DISC1: variants seen among roughly 807,000 people sequenced by gnomAD.
DISC1 encodes disrupted in schizophrenia 1 protein.
A neutral mutation model predicts 84.5 loss-of-function variants in DISC1; 57 were observed. That is an observed-to-expected ratio of 0.67 (90% CI 0.55 to 0.84). DISC1 has a LOEUF of 0.84. Ranked by LOEUF, DISC1 falls within the 40% of genes least tolerant of loss-of-function variation. The pLI, the probability that DISC1 is intolerant of heterozygous loss-of-function variation, is 0.00. For synonymous variants in DISC1, 411 were observed against 415.2 expected, an observed-to-expected ratio of 0.99 and a Z score of 0.12; for missense variants, 1,000 against 1,057.8, an observed-to-expected ratio of 0.95 and a Z score of 0.76.
chr1:231,950,965 G>A (rs981553817), intron 9 of DISC1, among the ~76,000 whole-genome samples: 2 of 152,152 alleles, frequency 1.3e-5, no homozygotes, highest in Non-Finnish European at 2.9e-5. Flanking sequence ...AGAACTCTCT[G>A]AGGGTGGTGA....
chr1:231,970,876 G>A (rs756041012), intron 10 of DISC1, among the ~76,000 whole-genome samples: 5 of 152,098 alleles, frequency 3.3e-5, no homozygotes, highest in Non-Finnish European at 7.3e-5. Context: ...GAGAAAAGAG[G>A]GTTCCTCTTT....
chr1:231,700,124 A>C (rs974080415), intron 2 of DISC1, among the ~76,000 whole-genome samples: 2 of 152,118 alleles, frequency 1.3e-5, no homozygotes, highest in African/African-American at 4.8e-5. Flanking sequence ...GATCCCCATA[A>C]CGTGGTTCTC....
intron 9 of DISC1, among the ~76,000 whole-genome samples, chr1:231,895,140 A>G (rs996655455): frequency 7.0e-6 from 1 of 143,056 alleles, no homozygotes; most frequent in Non-Finnish European, 1.5e-5. Flanking sequence ...AGTATTTTTT[A>G]GTATTCTATT....
chr1:231,704,980 G>A (rs925198653), intron 3 of DISC1, among the ~76,000 whole-genome samples: 2 of 151,950 alleles, frequency 1.3e-5, no homozygotes, highest in Admixed American at 6.6e-5. Flanking sequence ...ATGCAGTCCA[G>A]GAGGGGAAAC....
chr1:231,904,581 G>A (rs1251880351), intron 9 of DISC1, among the ~76,000 whole-genome samples: 4 of 152,112 alleles, frequency 2.6e-5, no homozygotes, highest in African/African-American at 7.2e-5. Flanking sequence ...GGAATATCAA[G>A]GCAGTGTGTA....
intron 9 of DISC1, among the ~76,000 whole-genome samples, chr1:231,907,126 C>CTTT (rs1295440145): frequency 0.04 from 669 of 16,568 alleles, 11 homozygotes; most frequent in African/African-American, 0.13. Context: ...TTCCTTCCTT[C>CTTT]CTTCCTCTTT....
At chr1:231,818,576 G>T (rs1246110934) in intron 9 of DISC1, 59 bp downstream of exon 9, 1 of 1,606,462 alleles carries the variant, frequency 6.2e-7, no homozygotes, top group Non-Finnish European at 8.5e-7. Context: ...GTGTTTTGTG[G>T]CCAGGCAGAA....
intron 7 of DISC1, among the ~76,000 whole-genome samples, chr1:231,798,269 G>A (rs2078928210): frequency 6.6e-6 from 1 of 152,066 alleles, no homozygotes; most frequent in Admixed American, 6.6e-5. Flanking sequence ...AAATGAGATG[G>A]AAGAAACAGT....
intron 1 of DISC1, among the ~76,000 whole-genome samples, chr1:231,647,289 CA>C: frequency 6.6e-6 from 1 of 152,262 alleles, no homozygotes; most frequent in East Asian, 1.9e-4. Flanking sequence ...TATGGCTAGC[CA>C]GTTTTCTCAG....
intron 9 of DISC1, among the ~76,000 whole-genome samples, chr1:231,836,664 A>G (rs776599338): frequency 6.6e-6 from 1 of 152,104 alleles, no homozygotes; most frequent in Non-Finnish European, 1.5e-5. Context: ...ATTGGCTTTC[A>G]CATTCTCCTC....
intron 1 of DISC1, among the ~76,000 whole-genome samples, chr1:231,673,863 G>A (rs1199649900): frequency 2.0e-5 from 3 of 152,202 alleles, no homozygotes; most frequent in Admixed American, 1.3e-4. Flanking sequence ...GCTCACGTTT[G>A]AGTATTGACA....
intron 9 of DISC1, chr1:231,944,028 A>C: frequency 6.6e-6 from 1 of 152,158 alleles, no homozygotes; most frequent in East Asian, 1.9e-4. Flanking sequence ...CCAGCCACAA[A>C]TATGACTTCT....
chr1:231,647,671 T>C (rs1386223542), intron 1 of DISC1, among the ~76,000 whole-genome samples: 3 of 152,224 alleles, frequency 2.0e-5, no homozygotes, highest in African/African-American at 7.2e-5. Context: ...TTTCACGATA[T>C]TGATTCTTCC....
intron 9 of DISC1, among the ~76,000 whole-genome samples, chr1:231,834,829 A>G (rs2082511530): frequency 6.6e-6 from 1 of 152,168 alleles, no homozygotes; most frequent in African/African-American, 2.4e-5. Context: ...GCGTCCCTGC[A>G]TGGTCAGACA....
In DISC1 at chr1:231,886,015, C is replaced by T. The variant is rs149809101; in HGVS notation, c.1981+67498C>T. 4.2e-3 allele frequency among the ~76,000 whole-genome samples: 641 copies of T among 152,320 alleles called. 3 individuals carry two copies. The highest frequency in any genetic ancestry group is 6.7e-3 in the Non-Finnish European group (459 of 68,026). ...CTCAACAGAAGGCCTCTTGCTGCAT[C>T]ATGCCATGGCAGAAGGTGGAAAGGC... is the stretch of plus-strand genomic sequence containing the variant. On this transcript the variant is annotated intron_variant, in intron 9 of 12. Transcript: ENST00000439617.
intron 8 of DISC1, chr1:231,815,131 T>C (rs1168527251): frequency 6.6e-6 from 1 of 151,970 alleles, no homozygotes; most frequent in Non-Finnish European, 1.5e-5. Flanking sequence ...CTCATTAATG[T>C]TATATATTTA....
chr1:231,834,152 G>T (rs2082446350), intron 9 of DISC1, among the ~76,000 whole-genome samples: 1 of 152,122 alleles, frequency 6.6e-6, no homozygotes, highest in African/African-American at 2.4e-5. Flanking sequence ...GGAAATTGCT[G>T]GGCAGGTGGG....
intron 9 of DISC1, among the ~76,000 whole-genome samples, chr1:231,936,716 C>T (rs2091002042): frequency 1.3e-5 from 2 of 152,178 alleles, no homozygotes; most frequent in African/African-American, 4.8e-5. Flanking sequence ...ACCTTTGTGT[C>T]TCTTGTCTCG....
intron 6 of DISC1, among the ~76,000 whole-genome samples, chr1:231,772,540 A>G (rs774555463): frequency 5.3e-5 from 8 of 152,122 alleles, no homozygotes; most frequent in Non-Finnish European, 8.8e-5. Context: ...TTATTGGCCG[A>G]TTTGAGGAAA....
Sources: gnomAD v4.1 joint callset for allele counts (sites outside exome capture counted in the v4.1 genomes callset) on GRCh38, gnomAD v4.1.1 for gene constraint, MANE v1.5 for transcripts, NCBI Gene and HGNC (gene_info 2026-07-23, HGNC 2026-07-21) for gene names.